The following TRAK2 variants were observed in gnomAD, a reference collection of about 807,000 sequenced individuals.
TRAK2 encodes the protein trafficking kinesin-binding protein 2.
A neutral mutation model predicts 104.6 loss-of-function variants in TRAK2; 81 were observed. The observed-to-expected ratio is 0.77, with a 90% CI of 0.65 to 0.93. The LOEUF (loss-of-function observed/expected upper bound fraction) is 0.93. Among genes scored for constraint, TRAK2 ranks in the 40% least tolerant of loss-of-function variants. The probability of loss-of-function intolerance (pLI) is 0.00; values close to 1 mark genes in which losing one functional copy is unlikely to be tolerated. For missense variants in TRAK2, 1,002 were observed against 1,089.0 expected, an observed-to-expected ratio of 0.92 and a Z score of 1.12; for synonymous variants, 406 against 394.4, an observed-to-expected ratio of 1.03 and a Z score of -0.35.
At chr2:201,401,170 A>G (rs986472859) in intron 3 of TRAK2, 76 bp from the exon 4 acceptor site, 3 of 978,750 alleles carry the variant, frequency 3.1e-6, no homozygotes, top group Non-Finnish European at 4.5e-6. Flanking sequence ...GAATTGAGAG[A>G]TAACAACAAC....
chr2:201,412,834 T>C lies in TRAK2; in HGVS notation c.92-5237A>G, dbSNP rs1813762. On this transcript the variant is annotated intron_variant, in intron 2 of 15. Coordinates refer to ENST00000332624, the MANE Select transcript of TRAK2 (RefSeq NM_015049.3). ...CAAGAATGACAATCCTTTAGAAACC[T>C]GAAGCAAACCACATTTGGTTTCTAC... 7,026 of 873,840 alleles carry C rather than the reference T, an allele frequency of 8.0e-3. 321 individuals are homozygous for C. The African/African-American group carries it at 0.1, about 13-fold the overall frequency. The allele number at this position is 873,840 out of a possible 1,614,324, so 54.1% of individuals were successfully genotyped here.
intron 10 of TRAK2, among the ~76,000 whole-genome samples, chr2:201,391,434 C>T (rs754711609): frequency 9.9e-5 from 15 of 152,120 alleles, no homozygotes; most frequent in Non-Finnish European, 1.9e-4. Flanking sequence ...ATTTGGCAGT[C>T]ATCACTGTAA....
In TRAK2 at chr2:201,379,643, T is replaced by C. The variant is rs1221362539; in HGVS notation, c.*900A>G. ...CCCTAATTCCTATTGATTGCACTTC[T>C]GGCTTAACCCCTTCCAGCCTCCAAG... On this transcript the variant is annotated 3_prime_UTR_variant, in exon 16 of 16. Coordinates refer to ENST00000332624, the MANE Select transcript of TRAK2 (RefSeq NM_015049.3). 6.6e-6 allele frequency: 1 copy of C among 152,660 alleles called. No homozygotes were observed. The highest frequency in any genetic ancestry group is 1.5e-5 in the Non-Finnish European group (1 of 68,052). The allele number at this position is 152,660 out of a possible 1,614,324, so 9.5% of individuals were successfully genotyped here. A position where few individuals can be genotyped will look rare whatever the true frequency, so the allele number is the denominator to read the frequency against.
At chr2:201,430,682 G>A (rs753868197) in intron 1 of TRAK2, among the ~76,000 whole-genome samples, 13 of 152,146 alleles carry the variant, frequency 8.5e-5, no homozygotes, top group Non-Finnish European at 8.8e-5. Context: ...TTGGAAAAGC[G>A]CAGTACTAGG....
At chr2:201,435,034 C>A (rs1951871122) in intron 1 of TRAK2, among the ~76,000 whole-genome samples, 1 of 152,128 alleles carries the variant, frequency 6.6e-6, no homozygotes, top group Non-Finnish European at 1.5e-5. Context: ...TTCAGTCTCA[C>A]ATTCATAAGG....
rs559369023 is a variant in TRAK2, at chr2:201,390,789, A to G, written c.1114-909T>C. Among the ~76,000 whole-genome samples the G allele has an allele frequency of 8.6e-5, 13 of 151,966 alleles. 1 individual carries two copies. In the East Asian group the frequency reaches 2.5e-3, roughly 29 times the overall value. ...CTGTAATTTCCAACTTTTCTGTAAT[A>G]AACATGCATAGCTTTTATAACATTA... is the stretch of plus-strand genomic sequence containing the variant. On this transcript the variant is annotated intron_variant, in intron 10 of 15. Transcript: ENST00000332624.
chr2:201,438,203 A>G (rs1324081195), intron 1 of TRAK2, among the ~76,000 whole-genome samples: 2 of 152,242 alleles, frequency 1.3e-5, no homozygotes, highest in Non-Finnish European at 2.9e-5. Context: ...TTACTGAACA[A>G]TAAAACAAAC....
intron 9 of TRAK2, 53 bp from the exon 10 acceptor site, chr2:201,393,099 G>A: frequency 1.3e-6 from 2 of 1,526,726 alleles, no homozygotes; most frequent in Non-Finnish European, 8.8e-7. Flanking sequence ...CAACATTAGG[G>A]AAAAAAAACC....
chr2:201,384,148 T>C lies in TRAK2; in HGVS notation c.2032A>G (p.Ile678Val), dbSNP rs370813501. The C allele has an allele frequency of 1.2e-6, 2 of 1,613,302 alleles. No individual in the cohort carries two copies. Among genetic ancestry groups the C allele is most frequent in the African/African-American group, 2.7e-5 (2 of 74,866 alleles). The change falls in exon 15 of 16, where the codon ATA becomes GTA. Residue 678 changes from isoleucine to valine, a missense_variant. Transcript: ENST00000332624. ...TGAGTGATGTCAGAGGGATGTAATA[T>C]TCTACAGGTGGTGAAAGTGAATGTT... ...NSTFTFTTCR[I>V]LHPSDITQVT...
intron 1 of TRAK2, among the ~76,000 whole-genome samples, chr2:201,428,062 A>G (rs908191546): frequency 3.3e-5 from 5 of 151,796 alleles, no homozygotes; most frequent in African/African-American, 9.7e-5. Context: ...TAGATTCTGG[A>G]TATTAGCCCT....
intron 13 of TRAK2, 100 bp downstream of exon 13, chr2:201,387,603 G>T: frequency 1.6e-6 from 2 of 1,231,976 alleles, no homozygotes; most frequent in Non-Finnish European, 2.3e-6. Context: ...AAGATCATCT[G>T]CACATAATGT....
In TRAK2 at chr2:201,401,063, G is replaced by C. The variant is rs1323644700; in HGVS notation, c.318C>G (p.Thr106=). ...ILGTDRVEQM[T]KTYNDIDMVT... ...CCATGTCGATGTCATTGTAAGTTTT[G>C]GTCATCTGCTCCACCCTGTCTGTGC... The change falls in exon 4 of 16, where the codon ACC becomes ACG. Residue 106 remains threonine, a synonymous_variant. Transcript: ENST00000332624. The C allele has an allele frequency of 6.2e-7, 1 of 1,610,188 alleles. No individual in the cohort carries two copies. Among genetic ancestry groups the C allele is most frequent in the East Asian group, 2.2e-5 (1 of 44,766 alleles).
At chr2:201,433,940 T>C (rs1266717359) in intron 1 of TRAK2, among the ~76,000 whole-genome samples, 1 of 152,040 alleles carries the variant, frequency 6.6e-6, no homozygotes, top group African/African-American at 2.4e-5. Context: ...TCACACATCA[T>C]GGGACTGCCC....
chr2:201,422,774 G>A (rs1951753326), intron 1 of TRAK2, among the ~76,000 whole-genome samples: 2 of 152,106 alleles, frequency 1.3e-5, no homozygotes, highest in South Asian at 4.1e-4. Flanking sequence ...GCTGCAAGGT[G>A]TCGGTAAGTG....
At position 201,380,744 on chromosome 2, in the gene TRAK2, C is replaced by G; in HGVS notation, c.2544G>C (p.Lys848Asn). Reference protein sequence around the residue: ...LKRLGIARVVKNPGAQENGRC... With the variant: ...LKRLGIARVVNNPGAQENGRC... Reference sequence around the variant, plus strand: ...TTCCATTCTCTTGGGCACCAGGGTTCTTGACCACTCTGGCTATCCCCAGTC... The same window carrying G: ...TTCCATTCTCTTGGGCACCAGGGTTGTTGACCACTCTGGCTATCCCCAGTC... The change falls in exon 16 of 16, where the codon AAG becomes AAC. Residue 848 changes from lysine to asparagine, a missense_variant. Physicochemically the swap from Lys to Asn is moderately conservative, Grantham distance 94. Coordinates refer to ENST00000332624, the MANE Select transcript of TRAK2 (RefSeq NM_015049.3). The G allele has an allele frequency of 6.2e-7, 1 of 1,614,126 alleles. No individual in the cohort carries two copies. The highest frequency in any genetic ancestry group is 8.5e-7 in the Non-Finnish European group (1 of 1,179,996).
At position 201,407,482 on chromosome 2, in the gene TRAK2, C is replaced by A. The variant is rs1471016984; in HGVS notation, c.207G>T (p.Trp69Cys). 2 of 1,613,960 alleles carry A rather than the reference C, an allele frequency of 1.2e-6. No individual in the cohort carries two copies. The change falls in exon 3 of 16, where the codon TGG (tryptophan) becomes TGT (cysteine). Residue 69 changes from tryptophan (W) to cysteine (C), a missense_variant. Transcript: ENST00000332624. The part of the protein sequence containing the change: ...DTLFLYENQD[W>C]TQSPHQRQHA... ...GCTGCCGCTGGTGTGGAGACTGAGT[C>A]CAGTCTTGATTTTCATATAGAAAGA...
At chr2:201,418,874 C>T (rs1290214646) in intron 2 of TRAK2, among the ~76,000 whole-genome samples, 6 of 152,126 alleles carry the variant, frequency 3.9e-5, no homozygotes, top group Admixed American at 6.5e-5. Flanking sequence ...AAACTGATAA[C>T]TCCATCAAAA....
intron 7 of TRAK2, among the ~76,000 whole-genome samples, chr2:201,396,379 T>C (rs776555350): frequency 6.6e-6 from 1 of 152,148 alleles, no homozygotes; most frequent in Non-Finnish European, 1.5e-5. Flanking sequence ...ATAGCCCAAA[T>C]GAATTGATGT....
chr2:201,407,775 G>T (rs1951608603), intron 2 of TRAK2, among the ~76,000 whole-genome samples, 178 bp from the exon 3 acceptor site: 1 of 150,940 alleles, frequency 6.6e-6, no homozygotes, highest in African/African-American at 2.4e-5. Context: ...TTTTCTCCAG[G>T]TTTTTTTTCT....
Sources: allele counts gnomAD v4.1 joint callset (sites outside exome capture counted in the v4.1 genomes callset), GRCh38; gene constraint gnomAD v4.1.1; transcripts MANE v1.5; gene names NCBI Gene and HGNC (gene_info 2026-07-23, HGNC 2026-07-21).